STX2: variants seen among roughly 807,000 people sequenced by gnomAD.
STX2 encodes the protein syntaxin-2.
STX2 carries 27 observed loss-of-function variants against 40.6 expected under a neutral mutation model. That is an observed-to-expected ratio of 0.66 (90% CI 0.49 to 0.92). The LOEUF (loss-of-function observed/expected upper bound fraction) is 0.92. Among genes scored for constraint, STX2 ranks in the 40% least tolerant of loss-of-function variants. The pLI is 0.00. For missense variants in STX2, 328 were observed against 366.1 expected (o/e 0.90, Z 0.85); for synonymous variants, 123 against 119.1 (o/e 1.03, Z -0.22).
chr12:130,801,373 A>G (rs1425754614), intron 7 of STX2, 42 bp downstream of exon 7: 9 of 1,597,352 alleles, frequency 5.6e-6, no homozygotes, highest in Non-Finnish European at 7.7e-6. Flanking sequence ...AGCTCTGTCT[A>G]CAGAAGAGGA....
chr12:130,830,944 A>G (rs564460866), intron 1 of STX2, among the ~76,000 whole-genome samples: 1 of 152,374 alleles, frequency 6.6e-6, no homozygotes, highest in African/African-American at 2.4e-5. Context: ...AAACATTTAA[A>G]TATCAACATT....
At chr12:130,827,140 G>A (rs895862175) in intron 2 of STX2, 53 bp downstream of exon 2, 19 of 912,352 alleles carry the variant, frequency 2.1e-5, no homozygotes, top group South Asian at 6.7e-5. Context: ...GGTGGGGGGA[G>A]GGAGGGAGGA....
intron 4 of STX2, among the ~76,000 whole-genome samples, chr12:130,811,128 C>A (rs1198140958): frequency 6.6e-6 from 1 of 152,112 alleles, no homozygotes; most frequent in Admixed American, 6.5e-5. Context: ...GAGGCTGAGA[C>A]TGGCGGATCA....
At position 130,807,115 on chromosome 12, in the gene STX2, C is replaced by T. The variant is rs947175485; in HGVS notation, c.355-25G>A. The stretch of plus-strand genomic sequence containing the variant: ...GCTAACAACACAGGAAAACTACATT[C>T]GTATCTGAGGGCCATGCCTTCTACT... On this transcript the variant is annotated intron_variant, in intron 5 of 10. Coordinates refer to ENST00000392373, the MANE Select transcript of STX2 (RefSeq NM_194356.4). The T allele has an allele frequency of 1.3e-5, 21 of 1,607,374 alleles. No homozygotes were observed. The Middle Eastern group carries it at 8.2e-4, about 63-fold the overall frequency.
At chr12:130,799,378 G>A (rs142780450) in intron 8 of STX2, among the ~76,000 whole-genome samples, 178 of 152,266 alleles carry the variant, frequency 1.2e-3, no homozygotes, top group African/African-American at 4.0e-3. Flanking sequence ...TTTTTCTAAC[G>A]GAGCTTAATG....
rs1437738503 is a variant in STX2, at chr12:130,801,154, T to C, written c.674A>G (p.Gln225Arg). ...GAGAATGCAAGAGTCTGTAACTACC[T>C]GAGTCTCCACAAACATAGCCATGTC... Reference protein sequence around the residue: ...FMDMAMFVETQGEMINNIERN... With the variant: ...FMDMAMFVETRGEMINNIERN... Residue 225 changes from glutamine (Q) to arginine (R), a missense_variant and splice_region_variant, in exon 8 of 11, where the codon CAG becomes CGG. Coordinates refer to ENST00000392373, the MANE Select transcript of STX2 (RefSeq NM_194356.4). The C allele has an allele frequency of 8.7e-6, 14 of 1,610,428 alleles. No homozygotes were observed. The highest frequency in any genetic ancestry group is 1.2e-5 in the Non-Finnish European group (14 of 1,177,556).
At chr12:130,822,831 A>G (rs568252809) in intron 2 of STX2, among the ~76,000 whole-genome samples, 2 of 152,328 alleles carry the variant, frequency 1.3e-5, no homozygotes, top group South Asian at 4.1e-4. Flanking sequence ...GAGCAGTAGG[A>G]TATAAATAAC....
At chr12:130,832,215 T>C (rs1952591384) in intron 1 of STX2, among the ~76,000 whole-genome samples, 1 of 151,950 alleles carries the variant, frequency 6.6e-6, no homozygotes, top group African/African-American at 2.4e-5. Context: ...ACTCAGCATA[T>C]ATTGCTCTAG....
chr12:130,793,186 A>C (rs1356113076), intron 10 of STX2, among the ~76,000 whole-genome samples: 1 of 152,176 alleles, frequency 6.6e-6, no homozygotes, highest in African/African-American at 2.4e-5. Context: ...TGAGCCTCCC[A>C]GTGACTCCTC....
In STX2 at chr12:130,790,755, T is replaced by A. The variant is rs768457394; in HGVS notation, c.*1268A>T. 1 of 152,462 alleles carries A rather than the reference T, an allele frequency of 6.6e-6. No individual in the cohort carries two copies. Among genetic ancestry groups the A allele is most frequent in the Admixed American group, 6.5e-5 (1 of 15,284 alleles). The allele number at this position is 152,462 out of a possible 1,614,324, so 9.4% of individuals were successfully genotyped here. A position where few individuals can be genotyped will look rare whatever the true frequency, so the allele number is the denominator to read the frequency against. ...CCGTCTTAAATTCAGACTTCATTCA[T>A]GTAAACTGGGAAACTCGAATCTCCT... On this transcript the variant is annotated 3_prime_UTR_variant, in exon 11 of 11. Coordinates refer to ENST00000392373, the MANE Select transcript of STX2 (RefSeq NM_194356.4).
At position 130,813,048 on chromosome 12, in the gene STX2, T is replaced by C; in HGVS notation, c.206-17A>G. ...CTTTTATTTCTATAAAAATTTAAAA[T>C]TAAAAAATAAAATACAGCATCTGAG... is the stretch of plus-strand genomic sequence containing the variant. On this transcript the variant is annotated splice_polypyrimidine_tract_variant and intron_variant, in intron 3 of 10. Transcript: ENST00000392373. 1.4e-6 allele frequency: 2 copies of C among 1,433,802 alleles called. No homozygotes were observed. The highest frequency in any genetic ancestry group is 1.9e-6 in the Non-Finnish European group (2 of 1,073,086). 88.8% of individuals were successfully genotyped at this position (1,433,802 alleles called of 1,614,324 possible). A position where few individuals can be genotyped will look rare whatever the true frequency, so the allele number is the denominator to read the frequency against.
At chr12:130,826,794 A>G (rs1388459680) in intron 2 of STX2, among the ~76,000 whole-genome samples, 1 of 151,618 alleles carries the variant, frequency 6.6e-6, no homozygotes, top group Non-Finnish European at 1.5e-5. Flanking sequence ...TGAGCTCAGG[A>G]GTTTGAAACC....
chr12:130,837,316 CAG>C (rs1183790614), intron 1 of STX2, among the ~76,000 whole-genome samples: 3 of 152,028 alleles, frequency 2.0e-5, no homozygotes, highest in East Asian at 1.9e-4. Flanking sequence ...TTTTCTGAAA[CAG>C]AGTCTCTTTC....
intron 6 of STX2, 92 bp from the exon 7 acceptor site, chr12:130,801,580 G>A: frequency 7.5e-7 from 1 of 1,325,056 alleles, no homozygotes; most frequent in Non-Finnish European, 1.0e-6. Flanking sequence ...TACAATCATA[G>A]TTGTTAGCAT....
chr12:130,792,706 T>C (rs1950914321), intron 10 of STX2, among the ~76,000 whole-genome samples: 2 of 152,226 alleles, frequency 1.3e-5, no homozygotes, highest in Non-Finnish European at 2.9e-5. Context: ...GCTCAAGCGA[T>C]CTTCCTGCCT....
intron 1 of STX2, among the ~76,000 whole-genome samples, chr12:130,836,275 CTCTT>C (rs1375799284): frequency 6.6e-6 from 1 of 152,098 alleles, no homozygotes; most frequent in African/African-American, 2.4e-5. Context: ...TTGTTCTTTT[CTCTT>C]TTTTTGAGAC....
At chr12:130,822,102 T>G (rs1412392753) in intron 2 of STX2, among the ~76,000 whole-genome samples, 1 of 152,152 alleles carries the variant, frequency 6.6e-6, no homozygotes, top group African/African-American at 2.4e-5. Context: ...TAATACCCAT[T>G]CTCAGTATAA....
intron 8 of STX2, among the ~76,000 whole-genome samples, chr12:130,800,300 T>G (rs1054201739): frequency 4.9e-5 from 6 of 121,482 alleles, no homozygotes; most frequent in African/African-American, 1.7e-4. Flanking sequence ...TATGTGTGTA[T>G]TTTTTTTTTT....
chr12:130,806,556 C>T (rs7301826), intron 6 of STX2, among the ~76,000 whole-genome samples: 75,314 of 152,010 alleles, frequency 0.5, 20,602 homozygotes, highest in East Asian at 0.87. Flanking sequence ...AAGGCGCCAT[C>T]TCCACTGCCA....
Sources: gnomAD v4.1 joint callset for allele counts (sites outside exome capture counted in the v4.1 genomes callset) on GRCh38, gnomAD v4.1.1 for gene constraint, MANE v1.5 for transcripts, NCBI Gene and HGNC (gene_info 2026-07-23, HGNC 2026-07-21) for gene names.